The following TMEM132C variants were observed in gnomAD, a reference collection of about 807,000 sequenced individuals.
TMEM132C encodes protein phosphatase 1, regulatory subunit 152.
Under a neutral mutation model 61.4 loss-of-function variants are expected in TMEM132C, and 29 were observed. That is an observed-to-expected ratio of 0.47 (90% CI 0.35 to 0.64). TMEM132C has a LOEUF of 0.64. Ranked by LOEUF, TMEM132C falls within the 30% of genes least tolerant of loss-of-function variation. The pLI, the probability that TMEM132C is intolerant of heterozygous loss-of-function variation, is 0.00. For missense variants in TMEM132C, 1,408 were observed against 1,476.9 expected (o/e 0.95, Z 0.76); for synonymous variants, 656 against 633.1 (o/e 1.04, Z -0.54).
chr12:128,390,126 C>T (rs1874714851), intron 1 of TMEM132C, among the ~76,000 whole-genome samples: 1 of 152,190 alleles, frequency 6.6e-6, no homozygotes, highest in South Asian at 2.1e-4. Flanking sequence ...CCACTCCAGC[C>T]TCCCAAAGCG....
chr12:128,279,016 C>A (rs1238649640), intron 1 of TMEM132C, among the ~76,000 whole-genome samples: 1 of 152,142 alleles, frequency 6.6e-6, no homozygotes, highest in African/African-American at 2.4e-5. Context: ...ACTTGCCAGA[C>A]TCCATAATTG....
chr12:128,689,447 T>C (rs1954702704), intron 5 of TMEM132C, among the ~76,000 whole-genome samples: 2 of 152,172 alleles, frequency 1.3e-5, no homozygotes, highest in Non-Finnish European at 2.9e-5. Context: ...GGATTGTCAC[T>C]GTGTACGAGC....
chr12:128,465,004 C>T lies in TMEM132C; in HGVS notation c.974+49384C>T, dbSNP rs998558483. On this transcript the variant is annotated intron_variant, in intron 2 of 8. Transcript: ENST00000435159. ...GGGGAGAGAAGGAGGAGAGTAAATC[C>T]GGGAGGAATTTCCCGTTTTCCCAAG... Among the ~76,000 whole-genome samples, 4 of 151,908 alleles carry T rather than the reference C, an allele frequency of 2.6e-5. No individual in the cohort carries two copies. In the East Asian group the frequency reaches 5.8e-4, roughly 22 times the overall value.
intron 3 of TMEM132C, among the ~76,000 whole-genome samples, chr12:128,577,931 C>G (rs1214704264): frequency 6.6e-6 from 1 of 152,246 alleles, no homozygotes; most frequent in Non-Finnish European, 1.5e-5. Context: ...TCCTAAACAC[C>G]ATTCACCATG....
Position 128,706,404 on chromosome 12 carries a change from C to A in TMEM132C, c.*109C>A. 7.5e-7 allele frequency: 1 copy of A among 1,329,416 alleles called. No individual in the cohort carries two copies. The highest frequency in any genetic ancestry group is 9.8e-7 in the Non-Finnish European group (1 of 1,020,508). 82.4% of individuals were successfully genotyped at this position (1,329,416 alleles called of 1,614,324 possible). A position where few individuals can be genotyped will look rare whatever the true frequency, so the allele number is the denominator to read the frequency against. The stretch of plus-strand genomic sequence containing the variant: ...GGTTAAGAAGGGACGGTCCCAGGGT[C>A]CATGCTAGACCAGTTGGAAAGTTTT... On this transcript the variant is annotated 3_prime_UTR_variant, in exon 9 of 9. Transcript: ENST00000435159.
chr12:128,290,736 C>G (rs2088707363), intron 1 of TMEM132C, among the ~76,000 whole-genome samples: 1 of 151,880 alleles, frequency 6.6e-6, no homozygotes, highest in Non-Finnish European at 1.5e-5. Context: ...AGAGATTTTT[C>G]TCCACTCCTT....
In TMEM132C at chr12:128,543,938, C is replaced by G. The variant is rs1310712336; in HGVS notation, c.975-19C>G. On this transcript the variant is annotated intron_variant, in intron 2 of 8. Coordinates refer to ENST00000435159, the MANE Select transcript of TMEM132C (RefSeq NM_001136103.3). ...GCCTTAACCCTGTCTCTCTCTCTCT[C>G]CCATCTTCATCCCCACAGAGCCAAG... 6.5e-7 allele frequency: 1 copy of G among 1,542,388 alleles called. No homozygotes were observed. The highest frequency in any genetic ancestry group is 1.4e-5 in the African/African-American group (1 of 72,592).
At chr12:128,620,086 G>A (rs1489521986) in intron 4 of TMEM132C, among the ~76,000 whole-genome samples, 1 of 151,858 alleles carries the variant, frequency 6.6e-6, no homozygotes, top group African/African-American at 2.4e-5. Context: ...ACCAAAATTA[G>A]CCAGGTGCGG....
chr12:128,314,910 G>C (rs1872099696), intron 1 of TMEM132C, among the ~76,000 whole-genome samples: 1 of 152,212 alleles, frequency 6.6e-6, no homozygotes, highest in African/African-American at 2.4e-5. Context: ...ATGGTTGTGA[G>C]ATGATTCACA....
intron 3 of TMEM132C, among the ~76,000 whole-genome samples, chr12:128,611,173 A>G (rs11614801): frequency 1.5e-4 from 22 of 149,410 alleles, no homozygotes; most frequent in Non-Finnish European, 3.1e-4. Flanking sequence ...TCCAGCCAGT[A>G]CCTGGGGAAG....
At chr12:128,486,044 G>A (rs549811110) in intron 2 of TMEM132C, among the ~76,000 whole-genome samples, 2 of 152,244 alleles carry the variant, frequency 1.3e-5, no homozygotes, top group South Asian at 2.1e-4. Flanking sequence ...GGACTGACAC[G>A]TTGTGTGTTC....
intron 2 of TMEM132C, among the ~76,000 whole-genome samples, chr12:128,424,906 T>C (rs1869125672): frequency 6.6e-6 from 1 of 152,226 alleles, no homozygotes; most frequent in Non-Finnish European, 1.5e-5. Flanking sequence ...AGACCACTCT[T>C]TCTAATTTAT....
intron 1 of TMEM132C, among the ~76,000 whole-genome samples, chr12:128,305,565 T>C (rs115563628): frequency 0.013 from 2,031 of 151,506 alleles, 47 homozygotes; most frequent in African/African-American, 0.047. Flanking sequence ...CATTTGAAAT[T>C]AAATTATCTG....
intron 2 of TMEM132C, among the ~76,000 whole-genome samples, chr12:128,528,462 T>C (rs116549124): frequency 0.012 from 1,800 of 152,302 alleles, 34 homozygotes; most frequent in African/African-American, 0.041. Context: ...GACAGTGTTT[T>C]TGGGGAGCGC....
At chr12:128,589,239 C>T (rs1460777299) in intron 3 of TMEM132C, among the ~76,000 whole-genome samples, 3 of 151,610 alleles carry the variant, frequency 2.0e-5, no homozygotes, top group East Asian at 3.9e-4. Context: ...TAGTGCAGAA[C>T]GTGAGGCCCC....
At chr12:128,411,714 T>G (rs530644570) in intron 1 of TMEM132C, among the ~76,000 whole-genome samples, 1 of 152,214 alleles carries the variant, frequency 6.6e-6, no homozygotes, top group South Asian at 2.1e-4. Flanking sequence ...TCTTGGGATC[T>G]CATTGAGGAC....
chr12:128,674,126 C>A (rs766049857), intron 5 of TMEM132C, among the ~76,000 whole-genome samples: 1 of 152,240 alleles, frequency 6.6e-6, no homozygotes, highest in Non-Finnish European at 1.5e-5. Context: ...CCATTCCCAT[C>A]CCTGGCCCCT....
At chr12:128,279,603 A>G (rs974187934) in intron 1 of TMEM132C, among the ~76,000 whole-genome samples, 3 of 151,690 alleles carry the variant, frequency 2.0e-5, no homozygotes, top group African/African-American at 4.8e-5. Flanking sequence ...TGGGCTCACC[A>G]CCCCAGATAG....
intron 3 of TMEM132C, among the ~76,000 whole-genome samples, chr12:128,574,977 G>C (rs566891433): frequency 9.7e-4 from 147 of 152,250 alleles, no homozygotes; most frequent in African/African-American, 3.3e-3. Flanking sequence ...AGAGATAACA[G>C]GTAATAAAAT....
Sources: gnomAD v4.1 joint callset for allele counts (sites outside exome capture counted in the v4.1 genomes callset) on GRCh38, gnomAD v4.1.1 for gene constraint, MANE v1.5 for transcripts, NCBI Gene and HGNC (gene_info 2026-07-23, HGNC 2026-07-21) for gene names.